ABI3BP: variants seen among roughly 807,000 people sequenced by gnomAD.
ABI3BP encodes the protein ABI family member 3 binding protein, also known as target of Nesh-SH3.
ABI3BP carries 216 observed loss-of-function variants against 268.6 expected under a neutral mutation model. The observed-to-expected ratio is 0.80, with a 90% CI of 0.72 to 0.90. The LOEUF is 0.90. Ranked by LOEUF, ABI3BP falls within the 40% of genes least tolerant of loss-of-function variation. ABI3BP has a pLI of 0.00. For missense variants in ABI3BP, 2,090 were observed against 2,182.4 expected (o/e 0.96, Z 0.84); for synonymous variants, 730 against 730.0 (o/e 1.00, Z 0.00).
At chr3:100,928,539 C>T (rs2153652988) in intron 1 of ABI3BP, among the ~76,000 whole-genome samples, 1 of 152,164 alleles carries the variant, frequency 6.6e-6, no homozygotes, top group South Asian at 2.1e-4. Flanking sequence ...TTATTCATAC[C>T]TCAGCAGCTA....
chr3:100,864,228 C>A, intron 11 of ABI3BP, 152 bp from the exon 12 acceptor site: 1 of 633,534 alleles, frequency 1.6e-6, no homozygotes, highest in South Asian at 1.9e-5. Context: ...GGAAAAGTTA[C>A]ATAGCTGTTA....
At position 100,874,832 on chromosome 3, in the gene ABI3BP, T is replaced by C. The variant is rs754154387; in HGVS notation, c.910+9A>G. 2.6e-6 allele frequency: 4 copies of C among 1,560,116 alleles called. No individual in the cohort carries two copies. Among genetic ancestry groups the C allele is most frequent in the South Asian group, 1.2e-5 (1 of 85,212 alleles). On this transcript the variant is annotated intron_variant, in intron 9 of 67. Transcript: ENST00000471714. ...CTGCAAAGTTCAAATACAAAACTTT[T>C]CTGCTTACCTAATTGTGTCTTGAGT...
chr3:100,753,487 C>T (rs1158831629), intron 65 of ABI3BP, among the ~76,000 whole-genome samples: 2 of 152,032 alleles, frequency 1.3e-5, no homozygotes, highest in African/African-American at 4.8e-5. Context: ...GAGAGGGAGT[C>T]TCATTACGTT....
At chr3:100,919,612 A>G (rs1349773115) in intron 2 of ABI3BP, among the ~76,000 whole-genome samples, 1 of 152,232 alleles carries the variant, frequency 6.6e-6, no homozygotes, top group African/African-American at 2.4e-5. Flanking sequence ...ACTGTGAAAT[A>G]AAGTGAGAAA....
At chr3:100,953,836 T>C (rs1426521913) in intron 1 of ABI3BP, among the ~76,000 whole-genome samples, 4 of 152,188 alleles carry the variant, frequency 2.6e-5, no homozygotes, top group African/African-American at 9.6e-5. Context: ...AAGAAGCTCA[T>C]GTTGAACTGC....
At chr3:100,969,623 T>C (rs984461370) in intron 1 of ABI3BP, among the ~76,000 whole-genome samples, 6 of 152,180 alleles carry the variant, frequency 3.9e-5, no homozygotes, top group African/African-American at 1.4e-4. Flanking sequence ...CTACACTATC[T>C]TTAAATCTCG....
At chr3:100,850,541 A>G in intron 16 of ABI3BP, 119 bp downstream of exon 16, 1 of 736,720 alleles carries the variant, frequency 1.4e-6, no homozygotes, top group Middle Eastern at 2.6e-4. Context: ...TATATTGAGA[A>G]ATAGGATAGA....
At chr3:100,762,006 T>A (rs565574855) in intron 63 of ABI3BP, among the ~76,000 whole-genome samples, 1 of 152,356 alleles carries the variant, frequency 6.6e-6, no homozygotes, top group South Asian at 2.1e-4. Flanking sequence ...TTTTAACAGC[T>A]ATAATTCAAA....
chr3:100,797,188 G>A (rs566178330), intron 51 of ABI3BP, among the ~76,000 whole-genome samples: 4 of 152,078 alleles, frequency 2.6e-5, no homozygotes, highest in African/African-American at 7.2e-5. Context: ...AGGCCTACTC[G>A]TATATGCAGT....
intron 1 of ABI3BP, among the ~76,000 whole-genome samples, chr3:100,935,293 T>C (rs1224755889): frequency 6.6e-6 from 1 of 152,166 alleles, no homozygotes; most frequent in Non-Finnish European, 1.5e-5. Context: ...GTTGTAGATA[T>C]GTGGTGTTAT....
chr3:100,929,164 T>G (rs1291690460), intron 1 of ABI3BP, among the ~76,000 whole-genome samples: 3 of 152,036 alleles, frequency 2.0e-5, no homozygotes, highest in Admixed American at 2.0e-4. Flanking sequence ...TAACAAATCT[T>G]AGTACACGTA....
chr3:100,976,443 G>A (rs1440749799), intron 1 of ABI3BP, among the ~76,000 whole-genome samples: 1 of 152,152 alleles, frequency 6.6e-6, no homozygotes, highest in Non-Finnish European at 1.5e-5. Context: ...ATAAAGCCCA[G>A]TTCAGCTGTA....
intron 6 of ABI3BP, 107 bp downstream of exon 6, chr3:100,885,429 C>T: frequency 1.8e-6 from 1 of 568,494 alleles, no homozygotes; most frequent in Non-Finnish European, 2.9e-6. Flanking sequence ...TCCACTGTTT[C>T]ATAGCTAGTC....
At position 100,943,384 on chromosome 3, in the gene ABI3BP, A is replaced by C. The variant is rs549818457; in HGVS notation, c.80-16903T>G. The stretch of plus-strand genomic sequence containing the variant: ...GTATGCATGCCATTAACTAAAGTTT[A>C]ATATTTATTTATATTTTTCTTTTGA... On this transcript the variant is annotated intron_variant, in intron 1 of 67. Transcript: ENST00000471714. Among the ~76,000 whole-genome samples the C allele has an allele frequency of 2.6e-4, 39 of 152,264 alleles. No homozygotes were observed. The South Asian group carries it at 7.7e-3, about 30-fold the overall frequency.
intron 29 of ABI3BP, among the ~76,000 whole-genome samples, 157 bp downstream of exon 29, chr3:100,834,527 C>A (rs1176814111): frequency 6.6e-6 from 1 of 152,110 alleles, no homozygotes; most frequent in East Asian, 1.9e-4. Flanking sequence ...GAGGAAGTCA[C>A]AGGTATCGCC....
At chr3:100,834,148 A>AT (rs932879727) in intron 29 of ABI3BP, among the ~76,000 whole-genome samples, 6 of 152,052 alleles carry the variant, frequency 3.9e-5, no homozygotes, top group South Asian at 2.1e-4. Flanking sequence ...TTTTTCTTAA[A>AT]TTTTTTGTAG....
chr3:100,808,278 G>T, intron 49 of ABI3BP, 43 bp from the exon 50 acceptor site: 1 of 1,463,378 alleles, frequency 6.8e-7, no homozygotes, highest in Non-Finnish European at 9.3e-7. Flanking sequence ...AGCCCTTCAA[G>T]AATGACAGTA....
At chr3:100,910,547 T>TA (rs1237259399) in intron 2 of ABI3BP, among the ~76,000 whole-genome samples, 3,655 of 150,186 alleles carry the variant, frequency 0.024, 60 homozygotes, top group Non-Finnish European at 0.04. Context: ...CCTTTTTTTT[T>TA]AAAAAAAAAA....
chr3:100,784,708 G>A (rs1439641680), intron 57 of ABI3BP, among the ~76,000 whole-genome samples: 1 of 152,052 alleles, frequency 6.6e-6, no homozygotes, highest in African/African-American at 2.4e-5. Context: ...TGATAAAAAA[G>A]GAACATGATA....
Sources: allele counts gnomAD v4.1 joint callset (sites outside exome capture counted in the v4.1 genomes callset), GRCh38; gene constraint gnomAD v4.1.1; transcripts MANE v1.5; gene names NCBI Gene and HGNC (gene_info 2026-07-23, HGNC 2026-07-21).